Variants in STK3 observed in about 807,000 individuals in gnomAD.
STK3 encodes serine/threonine kinase 3.
STK3 carries 41 observed loss-of-function variants against 58.0 expected under a neutral mutation model. The observed-to-expected ratio is 0.71, with a 90% CI of 0.55 to 0.92. The LOEUF (loss-of-function observed/expected upper bound fraction) is 0.92. Among genes scored for constraint, STK3 ranks in the 40% least tolerant of loss-of-function variants. The probability of loss-of-function intolerance (pLI) is 0.00; values close to 1 mark genes in which losing one functional copy is unlikely to be tolerated. For synonymous variants in STK3, 170 were observed against 191.0 expected, an observed-to-expected ratio of 0.89 and a Z score of 0.91; for missense variants, 479 against 602.7, an observed-to-expected ratio of 0.79 and a Z score of 2.15.
chr8:98,794,251 A>T (rs534122005), intron 1 of STK3, among the ~76,000 whole-genome samples: 2 of 152,140 alleles, frequency 1.3e-5, no homozygotes, highest in African/African-American at 4.8e-5. Flanking sequence ...AAGAGGAAAA[A>T]CAAGACCGAC....
chr8:98,493,714 C>T (rs1563662719), intron 10 of STK3, among the ~76,000 whole-genome samples: 2 of 152,276 alleles, frequency 1.3e-5, no homozygotes, highest in East Asian at 3.9e-4. Context: ...TAGCCCAGAT[C>T]TCTGTGGAAC....
intron 2 of STK3, among the ~76,000 whole-genome samples, chr8:98,377,508 A>G (rs1007896823): frequency 2.0e-5 from 3 of 151,692 alleles, no homozygotes; most frequent in Admixed American, 6.6e-5. Context: ...TTAATAGTAA[A>G]TGTCTAATTA....
intron 6 of STK3, among the ~76,000 whole-genome samples, chr8:98,683,014 A>G (rs1823747814): frequency 6.6e-6 from 1 of 152,072 alleles, no homozygotes; most frequent in South Asian, 2.1e-4. Flanking sequence ...AATTGCTTTT[A>G]AGATATATAT....
chr8:98,409,387 G>A (rs1274260933), intron 3 of STK3, among the ~76,000 whole-genome samples: 1 of 152,120 alleles, frequency 6.6e-6, no homozygotes, highest in Non-Finnish European at 1.5e-5. Context: ...TCTGCACGAG[G>A]AGCCCGTGAG....
At chr8:98,557,684 GAATT>G (rs539509963) in intron 8 of STK3, among the ~76,000 whole-genome samples, 55 of 152,172 alleles carry the variant, frequency 3.6e-4, no homozygotes, top group South Asian at 3.3e-3. Context: ...TCTATAAAAA[GAATT>G]AATTGTCTTC....
intron 6 of STK3, among the ~76,000 whole-genome samples, chr8:98,614,221 T>A (rs1190253275): frequency 6.6e-6 from 1 of 151,750 alleles, no homozygotes; most frequent in Non-Finnish European, 1.5e-5. Context: ...AACAGCAGAG[T>A]ACTTATTACT....
chr8:98,555,134 A>G (rs1023139495), intron 8 of STK3, among the ~76,000 whole-genome samples: 6 of 152,112 alleles, frequency 3.9e-5, no homozygotes, highest in Non-Finnish European at 7.4e-5. Context: ...TGGAATACAA[A>G]TATTTGAAAA....
In STK3 at chr8:98,429,491, G is replaced by A. The variant is rs574855238; in HGVS notation, n.483+4636C>T. On this transcript the variant is annotated intron_variant and non_coding_transcript_variant, in intron 3 of 3. Coordinates refer to the STK3 transcript ENST00000517832. Reference sequence around the variant, plus strand: ...TCTGGCACAGCCCAGGCACCTTATGGTTATGGTGTAAGGAGTATGCCCAGC... The same window carrying A: ...TCTGGCACAGCCCAGGCACCTTATGATTATGGTGTAAGGAGTATGCCCAGC... 8.6e-6 allele frequency: 9 copies of A among 1,052,000 alleles called. No homozygotes were observed. In the African/African-American group the frequency reaches 1.4e-4, roughly 17 times the overall value. The allele number at this position is 1,052,000 out of a possible 1,614,324, so 65.2% of individuals were successfully genotyped here.
intron 3 of STK3, among the ~76,000 whole-genome samples, chr8:98,852,563 G>C (rs2131833436): frequency 6.6e-6 from 1 of 152,274 alleles, no homozygotes; most frequent in East Asian, 1.9e-4. Context: ...GGACATAGTT[G>C]ACAATTCACT....
chr8:98,596,416 CT>C (rs1018502820), intron 6 of STK3: 50 of 337,692 alleles, frequency 1.5e-4, no homozygotes, highest in East Asian at 3.5e-4. Flanking sequence ...TTACCTATTA[CT>C]TTTTTTTATC....
the STK3 span, among the ~76,000 whole-genome samples, chr8:98,357,644 C>G: frequency 6.6e-6 from 1 of 152,098 alleles, no homozygotes; most frequent in Non-Finnish European, 1.5e-5. Context: ...TAGGCACAAC[C>G]CCTTTGGGTA....
chr8:98,732,834 T>C (rs907750552), intron 4 of STK3, among the ~76,000 whole-genome samples: 1 of 152,032 alleles, frequency 6.6e-6, no homozygotes, highest in Non-Finnish European at 1.5e-5. Context: ...AGCTCAAAGA[T>C]ATTACCAAAG....
chr8:98,557,078 C>G (rs1811648803), intron 8 of STK3, among the ~76,000 whole-genome samples: 1 of 152,040 alleles, frequency 6.6e-6, no homozygotes, highest in African/African-American at 2.4e-5. Flanking sequence ...ATTTTCCCAT[C>G]AAGTAAGAAA....
rs574029308 is a variant in STK3 at position 98,500,659 on chromosome 8, T to C, written c.1317+26083A>G. Among the ~76,000 whole-genome samples the C allele has an allele frequency of 7.2e-5, 11 of 152,266 alleles. No individual in the cohort carries two copies. The East Asian group carries it at 2.1e-3, about 29-fold the overall frequency. On this transcript the variant is annotated intron_variant, in intron 10 of 10. Transcript: ENST00000419617. ...AACCTATGAGTGAGAACATGTGGTG[T>C]TTGATTTTCCGTCCTTGTGACAGTT...
chr8:98,902,770 A>G (rs1396010449), intron 1 of STK3, among the ~76,000 whole-genome samples: 2 of 152,246 alleles, frequency 1.3e-5, no homozygotes, highest in Admixed American at 1.3e-4. Context: ...ATAATAGCCA[A>G]TGTGTCAGGC....
intron 2 of STK3, 60 bp from the exon 3 acceptor site, chr8:98,767,431 G>A (rs1270056982): frequency 6.8e-7 from 1 of 1,463,040 alleles, no homozygotes; most frequent in Non-Finnish European, 9.1e-7. Flanking sequence ...AAGATTAAAA[G>A]TCTACTATGA....
intron 1 of STK3, among the ~76,000 whole-genome samples, chr8:98,822,901 G>C (rs557560126): frequency 2.1e-4 from 32 of 152,312 alleles, no homozygotes; most frequent in African/African-American, 7.5e-4. Context: ...GGTGGCGCCC[G>C]CCTGTAATCC....
At chr8:98,417,241 G>A (rs1430239292) in intron 3 of STK3, among the ~76,000 whole-genome samples, 3 of 152,202 alleles carry the variant, frequency 2.0e-5, no homozygotes, top group East Asian at 1.9e-4. Context: ...TTGGCCGGGT[G>A]CGGTGGCTCA....
upstream of STK3, among the ~76,000 whole-genome samples, chr8:98,826,638 A>G (rs2131769021): frequency 1.3e-5 from 2 of 152,372 alleles, no homozygotes; most frequent in East Asian, 3.9e-4. Flanking sequence ...GCATGCATCC[A>G]TATTGTGGGT....
Sources: allele counts gnomAD v4.1 joint callset (sites outside exome capture counted in the v4.1 genomes callset), GRCh38; gene constraint gnomAD v4.1.1; transcripts MANE v1.5; gene names NCBI Gene and HGNC (gene_info 2026-07-23, HGNC 2026-07-21).